Variants in EHD2 observed in about 807,000 individuals in gnomAD.
The protein encoded by EHD2 is EH domain-containing protein 2.
A neutral mutation model predicts 41.0 loss-of-function variants in EHD2; 27 were observed. The ratio of observed to expected loss-of-function variants is 0.66; its 90% CI spans 0.49 to 0.91. EHD2 has a LOEUF of 0.91. Ranked by LOEUF, EHD2 falls within the 40% of genes least tolerant of loss-of-function variation. The pLI, the probability that EHD2 is intolerant of heterozygous loss-of-function variation, is 0.00. For missense variants in EHD2, 673 were observed against 773.9 expected (o/e 0.87, Z 1.55); for synonymous variants, 342 against 341.0 (o/e 1.00, Z -0.03).
chr19:47,740,483 C>T (rs908211929), intron 5 of EHD2, among the ~76,000 whole-genome samples: 1 of 152,032 alleles, frequency 6.6e-6, no homozygotes, highest in Non-Finnish European at 1.5e-5. Context: ...GGCGCGGTGG[C>T]TCATGCCTGT....
At chr19:47,724,997 A>T (rs1323392856) in intron 3 of EHD2, among the ~76,000 whole-genome samples, 7 of 107,336 alleles carry the variant, frequency 6.5e-5, no homozygotes, top group Non-Finnish European at 1.2e-4. Context: ...AAAAAAAAAA[A>T]AAAAAAAAAA....
At position 47,742,523 on chromosome 19, in the gene EHD2, T is replaced by C. The variant is rs2011339; in HGVS notation, c.*1091T>C. On this transcript the variant is annotated 3_prime_UTR_variant, in exon 6 of 6. Coordinates refer to ENST00000263277, the MANE Select transcript of EHD2 (RefSeq NM_014601.4). ...CGCATCTCAGGTGATCTGCTCGCCTTGGCCTCCCAAAGTGATGGGATTACA... is the reference window on the plus strand; with the variant it reads ...CGCATCTCAGGTGATCTGCTCGCCTCGGCCTCCCAAAGTGATGGGATTACA... The C allele has an allele frequency of 0.74, 114,537 of 155,196 alleles. 42,823 individuals carry two copies. Among genetic ancestry groups the C allele is most frequent in the African/African-American group, 0.85 (35,199 of 41,548 alleles). 9.6% of individuals were successfully genotyped at this position (155,196 alleles called of 1,614,324 possible).
At chr19:47,714,459 C>T (rs999880088) in intron 1 of EHD2, among the ~76,000 whole-genome samples, 1 of 152,114 alleles carries the variant, frequency 6.6e-6, no homozygotes, top group African/African-American at 2.4e-5. Context: ...ATACCCACAC[C>T]TGTGGCTGAT....
chr19:47,723,530 C>T (rs1162674882), intron 3 of EHD2, among the ~76,000 whole-genome samples: 4 of 151,694 alleles, frequency 2.6e-5, no homozygotes, highest in African/African-American at 7.3e-5. Context: ...TGTGGTGGCA[C>T]CTGTAATCCC....
rs1207539268 is a variant in EHD2 at position 47,719,797 on chromosome 19, G to A, written c.502+1191G>A. Among the ~76,000 whole-genome samples, 1 of 151,816 alleles carries A rather than the reference G, an allele frequency of 6.6e-6. No individual in the cohort carries two copies. Among genetic ancestry groups the A allele is most frequent in the East Asian group, 1.9e-4 (1 of 5,172 alleles). ...CCCCAGGGCCTGGACCTGGGACAGC[G>A]GGAGGGAGAGGCTCTCTCAGCCAGG... On this transcript the variant is annotated intron_variant, in intron 3 of 5. Transcript: ENST00000263277. This position sits in a 1 kb window ranked among gnomAD's most constrained non-coding sequence, Gnocchi z 4.1.
intron 3 of EHD2, among the ~76,000 whole-genome samples, chr19:47,721,944 C>T (rs541953021): frequency 1.3e-5 from 2 of 151,674 alleles, no homozygotes; most frequent in Non-Finnish European, 1.5e-5. Context: ...GAGCTCATGA[C>T]ACTGCACTCC....
At chr19:47,737,459 C>T (rs1349423894) in intron 5 of EHD2, among the ~76,000 whole-genome samples, 1 of 151,390 alleles carries the variant, frequency 6.6e-6, no homozygotes, top group African/African-American at 2.4e-5. Context: ...GAGTTCGAGA[C>T]CAGCCTGGCC....
At chr19:47,740,670 C>T (rs375053247) in intron 5 of EHD2, among the ~76,000 whole-genome samples, 1 of 152,096 alleles carries the variant, frequency 6.6e-6, no homozygotes, top group Non-Finnish European at 1.5e-5. Flanking sequence ...CGCTTGAAAC[C>T]GGAAGGCGGA....
chr19:47,718,351 C>T (rs1973652889), intron 2 of EHD2, among the ~76,000 whole-genome samples, 158 bp from the exon 3 acceptor site: 1 of 150,866 alleles, frequency 6.6e-6, no homozygotes, highest in South Asian at 2.1e-4. Context: ...CTGGTTATAA[C>T]TCTGAGATGG....
chr19:47,725,206 A>C (rs114608593), intron 3 of EHD2, among the ~76,000 whole-genome samples: 3,829 of 151,594 alleles, frequency 0.025, 171 homozygotes, highest in African/African-American at 0.087. Flanking sequence ...CTATATGTAC[A>C]TACCGACGCA....
intron 3 of EHD2, among the ~76,000 whole-genome samples, chr19:47,725,381 G>T (rs1209041059): frequency 8.2e-6 from 1 of 122,468 alleles, no homozygotes; most frequent in Non-Finnish European, 1.6e-5. Context: ...AACATAGTGA[G>T]ATCCCATCTC....
intron 4 of EHD2, among the ~76,000 whole-genome samples, chr19:47,735,846 C>T (rs1202515941): frequency 6.7e-6 from 1 of 148,832 alleles, no homozygotes; most frequent in Non-Finnish European, 1.5e-5. Flanking sequence ...TTGGAGGTTG[C>T]AGCGAGCTGA....
chr19:47,736,693 C>T (rs572732050), intron 5 of EHD2, among the ~76,000 whole-genome samples, 160 bp downstream of exon 5: 1 of 152,194 alleles, frequency 6.6e-6, no homozygotes, highest in East Asian at 1.9e-4. Context: ...ATGAGTCAGG[C>T]TAGGGGAGTG....
chr19:47,721,796 G>A (rs917645671), intron 3 of EHD2, among the ~76,000 whole-genome samples: 11 of 151,776 alleles, frequency 7.2e-5, no homozygotes, highest in African/African-American at 2.7e-4. Context: ...ACCAGCCTGG[G>A]CAACATGGTG....
chr19:47,738,675 A>C (rs1396287902), intron 5 of EHD2, among the ~76,000 whole-genome samples: 1 of 152,232 alleles, frequency 6.6e-6, no homozygotes, highest in Non-Finnish European at 1.5e-5. Context: ...TAACAGTAGA[A>C]GCTGCACATG....
At position 47,741,406 on chromosome 19, in the gene EHD2, C is replaced by A. The variant is rs1479278940; in HGVS notation, c.1606C>A (p.Arg536=). The part of the protein sequence containing the change: ...LPRRLVPPSK[R]RHKGSAE ...CCGTCGCCTGGTGCCACCCTCCAAG[C>A]GACGCCACAAGGGCTCCGCCGAGTG... is the stretch of plus-strand genomic sequence containing the variant. The change falls in exon 6 of 6, where the codon CGA becomes AGA. Residue 536 remains arginine, a synonymous_variant. Transcript: ENST00000263277. The surrounding 1 kb of genome is among the most constrained non-coding windows in gnomAD (Gnocchi z 4.5). 3.8e-6 allele frequency: 6 copies of A among 1,591,654 alleles called. No homozygotes were observed. Among genetic ancestry groups the A allele is most frequent in the Middle Eastern group, 1.7e-4 (1 of 5,896 alleles).
rs1461074679 is a variant in EHD2, at chr19:47,716,724, G to C, written c.112G>C (p.Glu38Gln). 1 of 1,613,320 alleles carries C rather than the reference G, an allele frequency of 6.2e-7. No homozygotes were observed. The highest frequency in any genetic ancestry group is 8.5e-7 in the Non-Finnish European group (1 of 1,179,754). ...CCGCACGAAGCTGCTGCCGCTGGAG[G>C]AGCACTACCGCTTTGGGGCCTTCCA... ...LYRTKLLPLEEHYRFGAFHSP... is the reference protein window; with the variant it reads ...LYRTKLLPLEQHYRFGAFHSP... The change falls in exon 2 of 6, where the codon GAG becomes CAG. Residue 38 changes from glutamate to glutamine, a missense_variant. By Grantham distance (29) the Glu-to-Gln change is conservative (BLOSUM62 2). Transcript: ENST00000263277.
intron 4 of EHD2, among the ~76,000 whole-genome samples, chr19:47,729,104 C>T (rs1413453096): frequency 4.6e-5 from 7 of 152,162 alleles, no homozygotes; most frequent in Non-Finnish European, 1.0e-4. Flanking sequence ...TTCCAGGGCT[C>T]AGTCCTCACT....
At chr19:47,732,479 C>T (rs930101100) in intron 4 of EHD2, among the ~76,000 whole-genome samples, 1 of 151,812 alleles carries the variant, frequency 6.6e-6, no homozygotes, top group East Asian at 1.9e-4. Context: ...AGTGCAGTGG[C>T]GACATCATAG....
Sources: allele counts gnomAD v4.1 joint callset (sites outside exome capture counted in the v4.1 genomes callset), GRCh38; gene constraint gnomAD v4.1.1; non-coding constraint Gnocchi (gnomAD v3.1); transcripts MANE v1.5; gene names NCBI Gene and HGNC (gene_info 2026-07-23, HGNC 2026-07-21).